The following CACNA1C variants were observed in gnomAD, a reference collection of about 807,000 sequenced individuals.
The protein encoded by CACNA1C is calcium voltage-gated channel subunit alpha1 C.
A neutral mutation model predicts 229.0 loss-of-function variants in CACNA1C; 30 were observed. That is an observed-to-expected ratio of 0.13 (90% CI 0.10 to 0.18). The LOEUF (loss-of-function observed/expected upper bound fraction) is 0.18, where lower values mean the gene tolerates loss of function less well. CACNA1C is among the 10% of genes least tolerant of loss of function. The pLI, the probability that CACNA1C is intolerant of heterozygous loss-of-function variation, is 1.00. For missense variants in CACNA1C, 1,658 were observed against 2,845.0 expected (o/e 0.58, Z 9.49); for synonymous variants, 1,114 against 1,132.5 (o/e 0.98, Z 0.33).
chr12:2,606,724 T>A (rs2075546877), intron 25 of CACNA1C, 61 bp downstream of exon 25: 1 of 1,461,486 alleles, frequency 6.8e-7, no homozygotes, highest in Admixed American at 1.9e-5. Context: ...GGCTGGAGGC[T>A]TGACCAGAAA....
intron 3 of CACNA1C, among the ~76,000 whole-genome samples, chr12:2,227,652 G>A (rs2063421961): frequency 6.6e-6 from 1 of 152,160 alleles, no homozygotes; most frequent in South Asian, 2.1e-4. Flanking sequence ...TCTCCCATCA[G>A]TTATCACTCC....
At chr12:2,505,651 C>G (rs1479691650) in intron 8 of CACNA1C, among the ~76,000 whole-genome samples, 1 of 152,092 alleles carries the variant, frequency 6.6e-6, no homozygotes, top group Non-Finnish European at 1.5e-5. Flanking sequence ...GGCAACATAG[C>G]GAGACCCCAT....
chr12:2,679,549 G>A lies in CACNA1C; in HGVS notation c.5197G>A (p.Ala1733Thr). Residue 1733 changes from alanine to threonine, a missense_variant, in exon 42 of 47, where the codon GCG (alanine) becomes ACG (threonine). This residue lies in a region of CACNA1C where 590 missense variants were observed against 700.8 expected (regional missense o/e 0.84). Coordinates refer to ENST00000399655, the MANE Select transcript of CACNA1C (RefSeq NM_000719.7). This position sits in a 1 kb window ranked among gnomAD's most constrained non-coding sequence, Gnocchi z 5.5. ...TCAGCGCCCGCTGCACATCAACAAG[G>A]CGGGCAGCAGCCAGGGCGACACTGA... ...TTQRPLHINK[A>T]GSSQGDTESP... 1 of 1,613,346 alleles carries A rather than the reference G, an allele frequency of 6.2e-7. No individual in the cohort carries two copies. Among genetic ancestry groups the A allele is most frequent in the African/African-American group, 1.3e-5 (1 of 75,034 alleles).
At chr12:2,538,094 A>G (rs974643082) in intron 9 of CACNA1C, among the ~76,000 whole-genome samples, 16 of 152,138 alleles carry the variant, frequency 1.1e-4, no homozygotes, top group African/African-American at 3.4e-4. Context: ...TGGCCTGCTG[A>G]GATCACAGTA....
chr12:2,560,146 G>A (rs1011727438), intron 11 of CACNA1C, among the ~76,000 whole-genome samples: 2 of 152,202 alleles, frequency 1.3e-5, no homozygotes, highest in African/African-American at 2.4e-5. Flanking sequence ...TTTCACACAT[G>A]AGCAGGTATC....
intron 1 of CACNA1C, among the ~76,000 whole-genome samples, chr12:2,086,945 A>G (rs557529351): frequency 6.6e-6 from 1 of 152,286 alleles, no homozygotes; most frequent in East Asian, 1.9e-4. Context: ...GAGCATGAAC[A>G]GTTGCCATTG....
chr12:2,616,683 C>A (rs1238401288), intron 29 of CACNA1C, among the ~76,000 whole-genome samples: 1 of 152,254 alleles, frequency 6.6e-6, no homozygotes, highest in African/African-American at 2.4e-5. Context: ...TAGACTTCCC[C>A]ATCAGCATTT....
At chr12:2,525,084 A>G (rs1199194415) in intron 9 of CACNA1C, among the ~76,000 whole-genome samples, 1 of 152,216 alleles carries the variant, frequency 6.6e-6, no homozygotes, top group Non-Finnish European at 1.5e-5. Context: ...CCAAAAAGAA[A>G]GATCAGGACA....
Position 2,617,999 on chromosome 12 carries a change from C to T in CACNA1C, c.3828+5986C>T, listed in dbSNP as rs1194589260. Among the ~76,000 whole-genome samples, 3 of 152,340 alleles carry T rather than the reference C, an allele frequency of 2.0e-5. No homozygotes were observed. In the East Asian group the frequency reaches 5.8e-4, roughly 29 times the overall value. On this transcript the variant is annotated intron_variant, in intron 29 of 46. Transcript: ENST00000399655. ...TCACATGACCCGAAGATACTGTGGT[C>T]CCTCCTCCAGCCAGCTTGGGGTTCT...
At chr12:2,175,867 A>C (rs1469747589) in intron 3 of CACNA1C, among the ~76,000 whole-genome samples, 1 of 152,174 alleles carries the variant, frequency 6.6e-6, no homozygotes, top group Non-Finnish European at 1.5e-5. Flanking sequence ...GCAAAGGAGG[A>C]TAGGTCTTTA....
At position 2,682,598 on chromosome 12, in the gene CACNA1C, G is replaced by A. The variant is rs368046891; in HGVS notation, c.5493G>A (p.Thr1831=). The change falls in exon 43 of 47, where the codon ACG becomes ACA. Residue 1831 remains threonine, a synonymous_variant. Coordinates refer to ENST00000399655, the MANE Select transcript of CACNA1C (RefSeq NM_000719.7). ...CAGCCATGGCGGGTCAGGAGGAGAC[G>A]TCTCAGGATGAGACCTATGAAGTGA... is the stretch of plus-strand genomic sequence containing the variant. ...SQAAMAGQEE[T]SQDETYEVKM... The A allele has an allele frequency of 2.4e-5, 38 of 1,612,310 alleles. No homozygotes were observed. Among genetic ancestry groups the A allele is most frequent in the Admixed American group, 5.0e-5 (3 of 59,850 alleles).
intron 5 of CACNA1C, among the ~76,000 whole-genome samples, chr12:2,482,633 C>G (rs2099680867): frequency 1.3e-5 from 2 of 152,308 alleles, no homozygotes; most frequent in Admixed American, 1.3e-4. Context: ...CAGGGCAGTC[C>G]TTCACCCAGT....
intron 3 of CACNA1C, among the ~76,000 whole-genome samples, chr12:2,369,740 AC>A (rs1482365491): frequency 6.6e-6 from 1 of 152,218 alleles, no homozygotes; most frequent in Non-Finnish European, 1.5e-5. Flanking sequence ...AAAGCAAATT[AC>A]AGGTGGATTC....
At chr12:2,560,930 C>T (rs1023435806) in intron 11 of CACNA1C, among the ~76,000 whole-genome samples, 3 of 150,424 alleles carry the variant, frequency 2.0e-5, no homozygotes, top group African/African-American at 2.4e-5. Context: ...TTGATGTTGT[C>T]GACGATTCCA....
chr12:2,663,658 G>A (rs748313852), intron 34 of CACNA1C, among the ~76,000 whole-genome samples: 3 of 151,948 alleles, frequency 2.0e-5, no homozygotes, highest in African/African-American at 4.8e-5. Context: ...CCACTGAAGG[G>A]CTTGTCCGTG....
intron 3 of CACNA1C, among the ~76,000 whole-genome samples, chr12:2,190,418 G>A (rs2097174638): frequency 6.6e-6 from 1 of 152,146 alleles, no homozygotes; most frequent in African/African-American, 2.4e-5. Context: ...CTAGCATTGG[G>A]TCTGGTTTTC....
At chr12:2,027,975 A>G (rs2047606294) in intron 1 of CACNA1C, among the ~76,000 whole-genome samples, 1 of 152,174 alleles carries the variant, frequency 6.6e-6, no homozygotes, top group Non-Finnish European at 1.5e-5. Flanking sequence ...TAGGTTTTGG[A>G]CATCCTTATC....
At position 2,053,265 on chromosome 12, in the gene CACNA1C, G is replaced by T; in HGVS notation, c.-298G>T. On this transcript the variant is annotated 5_prime_UTR_variant, in exon 1 of 47. Coordinates refer to ENST00000399655, the MANE Select transcript of CACNA1C (RefSeq NM_000719.7). The surrounding 1 kb of genome is among the most constrained non-coding windows in gnomAD (Gnocchi z 5.8). ...CTCTCCCGATTTATTTTTTCAAATG[G>T]TGTAGCCGCCGGAGGTGCGGTGCTC... is the stretch of plus-strand genomic sequence containing the variant. 9.1e-7 allele frequency: 1 copy of T among 1,098,648 alleles called. No individual in the cohort carries two copies. 68.1% of individuals were successfully genotyped at this position (1,098,648 alleles called of 1,614,324 possible).
chr12:2,016,672 C>T (rs4765657), intron 1 of CACNA1C, among the ~76,000 whole-genome samples: 53,438 of 151,934 alleles, frequency 0.35, 9,877 homozygotes, highest in East Asian at 0.52. Flanking sequence ...TCAGGTGATC[C>T]GCTCCTCTCA....
Sources: allele counts gnomAD v4.1 joint callset (sites outside exome capture counted in the v4.1 genomes callset), GRCh38; gene constraint gnomAD v4.1.1; regional missense constraint gnomAD v4.1.1; non-coding constraint Gnocchi (gnomAD v3.1); transcripts MANE v1.5; gene names NCBI Gene and HGNC (gene_info 2026-07-23, HGNC 2026-07-21).